Variants in CUX1 observed in about 807,000 individuals in gnomAD.
CUX1 encodes the protein cut like homeobox 1, also known as protein CASP.
In CUX1, 31 loss-of-function variants were observed where a neutral mutation model predicts 158.8. The ratio of observed to expected loss-of-function variants is 0.20; its 90% CI spans 0.15 to 0.26. The LOEUF is 0.26. Among genes scored for constraint, CUX1 ranks in the 10% least tolerant of loss-of-function variants. CUX1 has a pLI of 1.00. For synonymous variants in CUX1, 879 were observed against 862.1 expected, an observed-to-expected ratio of 1.02 and a Z score of -0.34; for missense variants, 1,589 against 2,014.6, an observed-to-expected ratio of 0.79 and a Z score of 4.04.
intron 3 of CUX1, among the ~76,000 whole-genome samples, chr7:102,059,589 G>A (rs192155779): frequency 7.6e-5 from 11 of 145,266 alleles, no homozygotes; most frequent in African/African-American, 2.4e-4. Context: ...CTGAGATCGT[G>A]CCACCTCACT....
At chr7:102,076,689 C>T (rs1826768496) in intron 4 of CUX1, among the ~76,000 whole-genome samples, 1 of 152,090 alleles carries the variant, frequency 6.6e-6, no homozygotes. Flanking sequence ...CAGCTCAGTT[C>T]CTGCCCTCAG....
chr7:102,045,620 A>G (rs190171741), intron 3 of CUX1, among the ~76,000 whole-genome samples: 11 of 152,420 alleles, frequency 7.2e-5, no homozygotes, highest in African/African-American at 2.6e-4. Flanking sequence ...TCCATGTTGT[A>G]CAAGTCAACA....
In CUX1 at chr7:102,253,440, G is replaced by C. The variant is rs1040167104; in HGVS notation, c.*4398G>C. The C allele has an allele frequency of 1.0e-6, 1 of 985,388 alleles. No homozygotes were observed. Among genetic ancestry groups the C allele is most frequent in the Admixed American group, 6.1e-5 (1 of 16,268 alleles). 61.0% of individuals were successfully genotyped at this position (985,388 alleles called of 1,614,324 possible). A position where few individuals can be genotyped will look rare whatever the true frequency, so the allele number is the denominator to read the frequency against. On this transcript the variant is annotated 3_prime_UTR_variant, in exon 24 of 24. Transcript: ENST00000292535. ...ACAGGAGTCCCCAGGTGAGCTCTCT[G>C]ACGGGCAGGTGCCTTCCCGACTAAG... is the stretch of plus-strand genomic sequence containing the variant.
chr7:102,191,666 C>T (rs1350820047), intron 12 of CUX1, among the ~76,000 whole-genome samples: 2 of 152,176 alleles, frequency 1.3e-5, no homozygotes, highest in Non-Finnish European at 2.9e-5. Context: ...GGCCTTTGCC[C>T]AGCCTCACCC....
intron 2 of CUX1, among the ~76,000 whole-genome samples, chr7:101,977,345 C>T (rs1812846129): frequency 6.6e-6 from 1 of 152,092 alleles, no homozygotes; most frequent in African/African-American, 2.4e-5. Context: ...CATTGGCTGC[C>T]ACTCCTCCTT....
chr7:101,999,206 C>CT (rs1416501286), intron 2 of CUX1, among the ~76,000 whole-genome samples: 5 of 108,734 alleles, frequency 4.6e-5, no homozygotes, highest in Admixed American at 4.1e-4. Flanking sequence ...CCTTTACAAA[C>CT]TTTTTTTTAC....
At position 102,257,275 on chromosome 7, in the gene CUX1, C is replaced by T. The variant is rs948829832; in HGVS notation, c.*8233C>T. 13 of 985,170 alleles carry T rather than the reference C, an allele frequency of 1.3e-5. No homozygotes were observed. The highest frequency in any genetic ancestry group is 1.6e-5 in the Non-Finnish European group (13 of 829,886). 61.0% of individuals were successfully genotyped at this position (985,170 alleles called of 1,614,324 possible). On this transcript the variant is annotated 3_prime_UTR_variant, in exon 24 of 24. Transcript: ENST00000292535. The stretch of plus-strand genomic sequence containing the variant: ...TTCTCTCTTTGAAAGAAACCCTCCA[C>T]CGAAACAATGGTCCCCATCTCCCCA...
At chr7:101,816,253 C>T (rs1791760381), upstream of CUX1, among the ~76,000 whole-genome samples, 1 of 145,276 alleles carries the variant, frequency 6.9e-6, no homozygotes, top group Non-Finnish European at 1.5e-5. Flanking sequence ...GGCCGAGTCC[C>T]TCCCGCTCCC....
chr7:101,850,373 T>C (rs1796140533), intron 1 of CUX1, among the ~76,000 whole-genome samples: 1 of 151,776 alleles, frequency 6.6e-6, no homozygotes, highest in Admixed American at 6.6e-5. Context: ...CCCACTCTCA[T>C]TTCCTACACC....
intron 3 of CUX1, among the ~76,000 whole-genome samples, chr7:102,041,880 G>A (rs1166785722): frequency 3.9e-5 from 6 of 152,042 alleles, no homozygotes; most frequent in African/African-American, 1.4e-4. Flanking sequence ...TGTTGGCCAG[G>A]CTGGTGTCAA....
At chr7:102,225,611 C>T (rs1554528392) in intron 20 of CUX1, among the ~76,000 whole-genome samples, 1 of 152,168 alleles carries the variant, frequency 6.6e-6, no homozygotes, top group African/African-American at 2.4e-5. Context: ...TGCCTGTAAA[C>T]CCAGCACTTT....
chr7:101,956,767 G>A (rs1343842368), intron 2 of CUX1, among the ~76,000 whole-genome samples: 2 of 152,192 alleles, frequency 1.3e-5, no homozygotes, highest in Non-Finnish European at 2.9e-5. Flanking sequence ...GAGCAACATA[G>A]CGAGACCCTG....
At chr7:101,836,302 C>T (rs183638946) in intron 1 of CUX1, among the ~76,000 whole-genome samples, 49 of 152,200 alleles carry the variant, frequency 3.2e-4, no homozygotes, top group African/African-American at 1.2e-3. Context: ...GCAGGTGCTC[C>T]CCTGCGAACC....
At chr7:101,875,670 C>T (rs1010770309) in intron 1 of CUX1, among the ~76,000 whole-genome samples, 6 of 152,186 alleles carry the variant, frequency 3.9e-5, no homozygotes, top group East Asian at 1.9e-4. Flanking sequence ...GGACCTGAGA[C>T]GCGTTGAGCC....
At chr7:102,023,528 G>A (rs181364183) in intron 2 of CUX1, among the ~76,000 whole-genome samples, 2 of 152,304 alleles carry the variant, frequency 1.3e-5, no homozygotes, top group East Asian at 3.9e-4. Flanking sequence ...GGAGTGTAAT[G>A]GCATGATCTT....
At chr7:101,966,954 C>T (rs1811297779) in intron 2 of CUX1, among the ~76,000 whole-genome samples, 1 of 152,132 alleles carries the variant, frequency 6.6e-6, no homozygotes, top group Admixed American at 6.6e-5. Flanking sequence ...CAGATCCATC[C>T]CAGCCCCATA....
exon 19 of CUX1, chr7:102,280,113 G>A: frequency 6.2e-7 from 1 of 1,608,214 alleles, no homozygotes; most frequent in Admixed American, 1.7e-5. Flanking sequence ...TCCTCCTTCA[G>A]CAAGCGGGTT....
intron 1 of CUX1, among the ~76,000 whole-genome samples, chr7:101,823,484 C>T (rs1013443611): frequency 7.2e-5 from 11 of 152,196 alleles, no homozygotes; most frequent in African/African-American, 2.4e-4. Flanking sequence ...CCCTGGCCGA[C>T]TCCATCAGCC....
At chr7:101,824,952 G>C (rs1562889676) in intron 1 of CUX1, among the ~76,000 whole-genome samples, 1 of 152,234 alleles carries the variant, frequency 6.6e-6, no homozygotes, top group Non-Finnish European at 1.5e-5. Flanking sequence ...AGGTGTGGCA[G>C]ATAATGGTGA....
Sources: gnomAD v4.1 joint callset for allele counts (sites outside exome capture counted in the v4.1 genomes callset) on GRCh38, gnomAD v4.1.1 for gene constraint, MANE v1.5 for transcripts, NCBI Gene and HGNC (gene_info 2026-07-23, HGNC 2026-07-21) for gene names.